Variants in LRRC45 observed in about 807,000 individuals in gnomAD.
The protein encoded by LRRC45 is leucine rich repeat containing 45.
LRRC45 carries 73 observed loss-of-function variants against 85.4 expected under a neutral mutation model. That is an observed-to-expected ratio of 0.85 (90% confidence interval 0.71 to 1.04). LRRC45 has a LOEUF of 1.04. LRRC45 is among the 50% of genes least tolerant of loss of function. The pLI, the probability that LRRC45 is intolerant of heterozygous loss-of-function variation, is 0.00. For synonymous variants in LRRC45, 429 were observed against 386.0 expected (o/e 1.11, Z -1.31); for missense variants, 937 against 883.3 (o/e 1.06, Z -0.77).
intron 5 of LRRC45, 49 bp from the exon 6 acceptor site, chr17:82,026,850 G>A (rs2043372140): frequency 6.7e-7 from 1 of 1,499,002 alleles, no homozygotes; most frequent in Non-Finnish European, 9.1e-7. Flanking sequence ...AAAGTGCTGG[G>A]ATTCCAGGCA....
intron 1 of LRRC45, 135 bp downstream of exon 1, chr17:82,023,998 T>A: frequency 1.2e-6 from 1 of 845,276 alleles, no homozygotes; most frequent in Non-Finnish European, 1.8e-6. Context: ...CGCCCCTTCC[T>A]GCACCTGGGA....
chr17:82,028,001 C>T lies in LRRC45; in HGVS notation c.912-10C>T, dbSNP rs748376279. The T allele has an allele frequency of 2.5e-6, 4 of 1,592,056 alleles. No individual in the cohort carries two copies. Among genetic ancestry groups the T allele is most frequent in the Non-Finnish European group, 2.6e-6 (3 of 1,170,678 alleles). On this transcript the variant is annotated splice_polypyrimidine_tract_variant and intron_variant, in intron 8 of 16. Coordinates refer to ENST00000306688, the MANE Select transcript of LRRC45 (RefSeq NM_144999.4). Reference sequence around the variant, plus strand: ...AACCGGGGCGGGGGTGCTGCCCCTCCTTTCTGCAGGCTGCAGATGACAGAG... The same window carrying T: ...AACCGGGGCGGGGGTGCTGCCCCTCTTTTCTGCAGGCTGCAGATGACAGAG...
intron 1 of LRRC45, 154 bp downstream of exon 1, chr17:82,024,017 C>A: frequency 1.3e-6 from 1 of 748,886 alleles, no homozygotes; most frequent in Non-Finnish European, 2.1e-6. Flanking sequence ...GAGTAGAGGG[C>A]AGTTCCTCTG....
Position 82,030,324 on chromosome 17 carries a change from G to C in LRRC45, c.1674G>C (p.Leu558=), listed in dbSNP as rs1440806410. 9.0e-6 allele frequency: 14 copies of C among 1,549,264 alleles called. No individual in the cohort carries two copies. The Admixed American group carries it at 2.7e-4, about 30-fold the overall frequency. The stretch of plus-strand genomic sequence containing the variant: ...CCAGCCTTCGTGCCTGGCAGGAGCT[G>C]AGCCTCAAGGACCAGGAAAGGGTGG... ...RRRLEELQQE[L]SLKDQERVAE... is the part of the protein sequence containing the mutation. The change falls in exon 16 of 17, where the codon CTG becomes CTC. Residue 558 remains leucine, a synonymous_variant. Transcript: ENST00000306688.
At chr17:82,028,965 G>A in intron 12 of LRRC45, 128 bp from the exon 13 acceptor site, 1 of 864,634 alleles carries the variant, frequency 1.2e-6, no homozygotes, top group East Asian at 2.6e-5. Flanking sequence ...TAGGCCATCT[G>A]AGGCAGTGCT....
At chr17:82,024,898 G>T in intron 3 of LRRC45, 102 bp from the exon 4 acceptor site, 1 of 1,441,330 alleles carries the variant, frequency 6.9e-7, no homozygotes, top group Non-Finnish European at 9.2e-7. Context: ...GTAGGCAGAG[G>T]CTCCGGCCCA....
rs537097774 is a variant in LRRC45, at chr17:82,031,000, C to T, written c.*195C>T. On this transcript the variant is annotated 3_prime_UTR_variant, in exon 17 of 17. Coordinates refer to ENST00000306688, the MANE Select transcript of LRRC45 (RefSeq NM_144999.4). Reference sequence around the variant, plus strand: ...GCGCCTGGGAAGGGCTCCCTACCGGCCCCTTCTTCCCGGTCGACGCCACGT... The same window carrying T: ...GCGCCTGGGAAGGGCTCCCTACCGGTCCCTTCTTCCCGGTCGACGCCACGT... 1.5e-5 allele frequency: 6 copies of T among 406,962 alleles called. No individual in the cohort carries two copies. In the South Asian group the frequency reaches 8.0e-4, roughly 54 times the overall value. The allele number at this position is 406,962 out of a possible 1,614,324, so 25.2% of individuals were successfully genotyped here.
chr17:82,024,260 C>T lies in LRRC45; in HGVS notation c.221-18C>T. Reference sequence around the variant, plus strand: ...GGTCAGCAGGGGCAGAGAGTGACCGCCGGCCCCCCTTACACAGGGGCCACA... The same window carrying T: ...GGTCAGCAGGGGCAGAGAGTGACCGTCGGCCCCCCTTACACAGGGGCCACA... On this transcript the variant is annotated intron_variant, in intron 1 of 16. Transcript: ENST00000306688. 6.2e-7 allele frequency: 1 copy of T among 1,610,674 alleles called. No homozygotes were observed. Among genetic ancestry groups the T allele is most frequent in the Non-Finnish European group, 8.5e-7 (1 of 1,179,738 alleles).
At chr17:82,024,008 A>G (rs1334913447) in intron 1 of LRRC45, 145 bp downstream of exon 1, 3 of 760,756 alleles carry the variant, frequency 3.9e-6, no homozygotes, top group Non-Finnish European at 6.3e-6. Context: ...TGCACCTGGG[A>G]GTAGAGGGCA....
intron 5 of LRRC45, 107 bp from the exon 6 acceptor site, chr17:82,026,792 C>A: frequency 1.3e-6 from 1 of 769,972 alleles, no homozygotes; most frequent in Non-Finnish European, 2.2e-6. Context: ...GTTGGCCAGG[C>A]TGGTCTCGAA....
chr17:82,023,949 G>A, intron 1 of LRRC45, 86 bp downstream of exon 1: 2 of 1,288,822 alleles, frequency 1.6e-6, no homozygotes, highest in Non-Finnish European at 2.1e-6. Flanking sequence ...TCCTCTCCAG[G>A]CTCTCCAATT....
chr17:82,028,178 A>G, intron 9 of LRRC45, 32 bp downstream of exon 9: 1 of 1,560,562 alleles, frequency 6.4e-7, no homozygotes, highest in Non-Finnish European at 8.7e-7. Flanking sequence ...GGGGTGGGCC[A>G]AGGGGTGCGT....
rs2043393587 is a variant in LRRC45 at position 82,029,118 on chromosome 17, A to G, written c.1334A>G (p.Glu445Gly). 4 of 1,612,556 alleles carry G rather than the reference A, an allele frequency of 2.5e-6. No individual in the cohort carries two copies. Among genetic ancestry groups the G allele is most frequent in the Admixed American group, 1.7e-5 (1 of 59,982 alleles). Residue 445 changes from glutamate to glycine, a missense_variant, in exon 13 of 17, where the codon GAG becomes GGG. Coordinates refer to ENST00000306688, the MANE Select transcript of LRRC45 (RefSeq NM_144999.4). ...KEVEHMTRHL[E>G]ESEKAMQERV... ...GTGGAGCATATGACCCGTCACCTGGAGGAGAGTGAGAAGGCCATGCAGGAG... is the reference window on the plus strand; with the variant it reads ...GTGGAGCATATGACCCGTCACCTGGGGGAGAGTGAGAAGGCCATGCAGGAG...
Position 82,030,961 on chromosome 17 carries a change from G to C in LRRC45, c.*156G>C. 1.9e-6 allele frequency: 1 copy of C among 527,052 alleles called. No individual in the cohort carries two copies. The highest frequency in any genetic ancestry group is 2.9e-6 in the Non-Finnish European group (1 of 342,468). The allele number at this position is 527,052 out of a possible 1,614,324, so 32.6% of individuals were successfully genotyped here. On this transcript the variant is annotated 3_prime_UTR_variant, in exon 17 of 17. Coordinates refer to ENST00000306688, the MANE Select transcript of LRRC45 (RefSeq NM_144999.4). Reference sequence around the variant, plus strand: ...TGTTGGTGGTGTCGCGGCTGCGGGGGAACCCCGTGGGAGGCGCCTGGGAAG... The same window carrying C: ...TGTTGGTGGTGTCGCGGCTGCGGGGCAACCCCGTGGGAGGCGCCTGGGAAG...
At chr17:82,027,947 C>A in intron 8 of LRRC45, 64 bp from the exon 9 acceptor site, 1 of 1,546,474 alleles carries the variant, frequency 6.5e-7, no homozygotes, top group Non-Finnish European at 8.7e-7. Context: ...GTGAAAGCAG[C>A]GAGGCCTTTA....
Position 82,029,649 on chromosome 17 carries a change from G to A in LRRC45, c.1494+14G>A. ...CGCCTGGAGGAGGTGAGCCACACATGTCCGCCACCCTCCGGGGGAGCCAGG... is the reference window on the plus strand; with the variant it reads ...CGCCTGGAGGAGGTGAGCCACACATATCCGCCACCCTCCGGGGGAGCCAGG... On this transcript the variant is annotated intron_variant, in intron 14 of 16. Transcript: ENST00000306688. 6.4e-7 allele frequency: 1 copy of A among 1,557,944 alleles called. No individual in the cohort carries two copies. The highest frequency in any genetic ancestry group is 8.7e-7 in the Non-Finnish European group (1 of 1,152,200).
At chr17:82,024,444 A>C in intron 2 of LRRC45, 105 bp downstream of exon 2, 1 of 1,387,802 alleles carries the variant, frequency 7.2e-7, no homozygotes, top group Non-Finnish European at 1.0e-6. Flanking sequence ...AGGTGGCTGG[A>C]AGCTGTCTGT....
chr17:82,030,161 GC>G lies in LRRC45; in HGVS notation c.1593del (p.Glu532ArgfsTer27). 6.5e-7 allele frequency: 1 copy of G among 1,547,002 alleles called. No homozygotes were observed. The highest frequency in any genetic ancestry group is 8.7e-7 in the Non-Finnish European group (1 of 1,145,880). Reference sequence around the variant, plus strand: ...TTGCCTACAGCAGAAGCAGGTGGTGGCCGAGGCCCAGACCCGGGTCAGCCAG... The same window carrying G: ...TTGCCTACAGCAGAAGCAGGTGGTGGCGAGGCCCAGACCCGGGTCAGCCAG... ...GACLQQKQVV[A>X]EAQTRVSQLG... On this transcript the variant is annotated frameshift_variant, in exon 15 of 17. Transcript: ENST00000306688. LOFTEE classifies it high-confidence loss of function.
Position 82,030,480 on chromosome 17 carries a change from T to C in LRRC45, c.1816+14T>C, listed in dbSNP as rs1342503440. The C allele has an allele frequency of 2.0e-6, 3 of 1,537,472 alleles. No homozygotes were observed. Among genetic ancestry groups the C allele is most frequent in the Non-Finnish European group, 2.6e-6 (3 of 1,144,882 alleles). ...GCCAGCTGAAAGGTGAGCCAGACCC[T>C]TGTCCTCCCGCCGCCCACTGGTGGG... On this transcript the variant is annotated intron_variant, in intron 16 of 16. Transcript: ENST00000306688.
Sources: allele counts gnomAD v4.1 joint callset, GRCh38; gene constraint gnomAD v4.1.1; transcripts MANE v1.5; gene names NCBI Gene and HGNC (gene_info 2026-07-23, HGNC 2026-07-21).